CYP2C18: variants seen among roughly 807,000 people sequenced by gnomAD.
CYP2C18 encodes the protein cytochrome P450 family 2 subfamily C member 18, also known as cytochrome P450 2C18.
A neutral mutation model predicts 41.3 loss-of-function variants in CYP2C18; 38 were observed. The observed-to-expected ratio is 0.92, with a 90% CI of 0.71 to 1.21. The LOEUF is 1.21. Ranked by LOEUF, CYP2C18 falls within the 50% of genes most tolerant of loss-of-function variation. The pLI, the probability that CYP2C18 is intolerant of heterozygous loss-of-function variation, is 0.00. For missense variants in CYP2C18, 635 were observed against 591.4 expected, an observed-to-expected ratio of 1.07 and a Z score of -0.77; for synonymous variants, 236 against 210.0, an observed-to-expected ratio of 1.12 and a Z score of -1.07.
At chr10:94,693,251 A>C (rs1226547491) in intron 3 of CYP2C18, among the ~76,000 whole-genome samples, 1 of 152,140 alleles carries the variant, frequency 6.6e-6, no homozygotes, top group Non-Finnish European at 1.5e-5. Flanking sequence ...ATAGTTTAGT[A>C]CCATCCCTTT....
At chr10:94,709,578 T>C (rs1348137057) in intron 5 of CYP2C18, among the ~76,000 whole-genome samples, 1 of 152,196 alleles carries the variant, frequency 6.6e-6, no homozygotes, top group African/African-American at 2.4e-5. Context: ...AACAGTGTCT[T>C]TTGAAATACA....
intron 1 of CYP2C18, among the ~76,000 whole-genome samples, chr10:94,684,866 G>C (rs1304278955): frequency 6.6e-6 from 1 of 151,552 alleles, no homozygotes; most frequent in Non-Finnish European, 1.5e-5. Flanking sequence ...TTATCTTTTT[G>C]ATAATAATAA....
intron 7 of CYP2C18, among the ~76,000 whole-genome samples, chr10:94,729,164 G>A (rs748652691): frequency 8.5e-5 from 13 of 152,096 alleles, no homozygotes; most frequent in African/African-American, 1.4e-4. Context: ...AGCTGTATTC[G>A]CTTGTCAGCT....
Position 94,722,874 on chromosome 10 carries a change from G to A in CYP2C18, c.962-1472G>A, listed in dbSNP as rs896725480. 2.6e-5 allele frequency among the ~76,000 whole-genome samples: 4 copies of A among 152,250 alleles called. No homozygotes were observed. The South Asian group carries it at 6.2e-4, about 24-fold the overall frequency. On this transcript the variant is annotated intron_variant, in intron 6 of 8. Coordinates refer to ENST00000285979, the MANE Select transcript of CYP2C18 (RefSeq NM_000772.3). ...TGTTCCTAAAATACAGCAGCCAGGT[G>A]TAAACTCCAGAGGACAAGTAGCACC...
intron 5 of CYP2C18, among the ~76,000 whole-genome samples, chr10:94,718,498 G>A (rs1204359767): frequency 1.3e-5 from 2 of 152,108 alleles, no homozygotes; most frequent in African/African-American, 2.4e-5. Flanking sequence ...AGTACTGAGA[G>A]TGGGCATCCA....
intron 7 of CYP2C18, among the ~76,000 whole-genome samples, chr10:94,732,572 A>C (rs1472342981): frequency 6.6e-6 from 1 of 152,218 alleles, no homozygotes. Context: ...GAATCATCCC[A>C]AATGCCCATC....
chr10:94,715,665 A>T (rs548879334), intron 5 of CYP2C18, among the ~76,000 whole-genome samples: 8 of 152,230 alleles, frequency 5.3e-5, no homozygotes, highest in African/African-American at 1.9e-4. Context: ...TGTCTCTGTC[A>T]GGCTTTGGTA....
intron 5 of CYP2C18, among the ~76,000 whole-genome samples, chr10:94,709,791 T>C (rs1443839412): frequency 6.6e-6 from 1 of 152,120 alleles, no homozygotes; most frequent in Non-Finnish European, 1.5e-5. Context: ...GTGTGAGGTA[T>C]GGGTACAACT....
chr10:94,721,695 A>G (rs1192087942), intron 6 of CYP2C18, among the ~76,000 whole-genome samples: 1 of 152,082 alleles, frequency 6.6e-6, no homozygotes, highest in East Asian at 1.9e-4. Context: ...CCCATTTATA[A>G]GTGAGAACAT....
intron 4 of CYP2C18, among the ~76,000 whole-genome samples, chr10:94,698,246 G>T (rs898835863): frequency 1.3e-5 from 2 of 152,128 alleles, no homozygotes; most frequent in Admixed American, 6.5e-5. Flanking sequence ...GCACTCCTCA[G>T]CAAATGTAAG....
At chr10:94,684,316 C>G (rs1029038450) in intron 1 of CYP2C18, among the ~76,000 whole-genome samples, 1 of 152,086 alleles carries the variant, frequency 6.6e-6, no homozygotes, top group Non-Finnish European at 1.5e-5. Flanking sequence ...CTAAGTGTAA[C>G]TCTGTACCTG....
At chr10:94,729,975 A>C (rs1427342390) in intron 7 of CYP2C18, among the ~76,000 whole-genome samples, 4 of 152,188 alleles carry the variant, frequency 2.6e-5, no homozygotes. Flanking sequence ...ACAACATTTA[A>C]ATCTAAAGTA....
At chr10:94,720,926 GA>G (rs1847635781) in intron 6 of CYP2C18, among the ~76,000 whole-genome samples, 1 of 152,200 alleles carries the variant, frequency 6.6e-6, no homozygotes, top group African/African-American at 2.4e-5. Context: ...GAAATGAGTA[GA>G]AATTTTATTT....
chr10:94,695,707 AG>A (rs1273362655), intron 4 of CYP2C18, among the ~76,000 whole-genome samples: 2 of 152,132 alleles, frequency 1.3e-5, no homozygotes, highest in Non-Finnish European at 2.9e-5. Flanking sequence ...GGGAAGCACA[AG>A]GGGTCAGGGA....
intron 5 of CYP2C18, 65 bp from the exon 6 acceptor site, chr10:94,720,331 G>T (rs1564646880): frequency 2.3e-5 from 32 of 1,414,266 alleles, no homozygotes; most frequent in Non-Finnish European, 3.1e-5. Context: ...GATATATTTT[G>T]GATTTTTTGT....
chr10:94,699,907 A>T (rs1330948278), intron 4 of CYP2C18, among the ~76,000 whole-genome samples: 1 of 152,188 alleles, frequency 6.6e-6, no homozygotes, highest in Non-Finnish European at 1.5e-5. Context: ...ACACCTAGGA[A>T]TCCAACTTCC....
intron 8 of CYP2C18, 108 bp downstream of exon 8, chr10:94,733,546 G>T: frequency 6.4e-7 from 1 of 1,551,340 alleles, no homozygotes; most frequent in African/African-American, 1.4e-5. Context: ...TTGCTTTGCA[G>T]ATCATTAGCA....
In CYP2C18 at chr10:94,683,756, G is replaced by A; in HGVS notation, c.-64G>A. The stretch of plus-strand genomic sequence containing the variant: ...AGTCAGAATCACAGGTGGATTAGTA[G>A]GGAGTGTTATAAAAGCCTTGAAGTG... On this transcript the variant is annotated 5_prime_UTR_variant, in exon 1 of 9. Transcript: ENST00000285979. 1 of 1,277,946 alleles carries A rather than the reference G, an allele frequency of 7.8e-7. No homozygotes were observed. The highest frequency in any genetic ancestry group is 1.1e-6 in the Non-Finnish European group (1 of 932,432). The allele number at this position is 1,277,946 out of a possible 1,614,324, so 79.2% of individuals were successfully genotyped here.
At chr10:94,691,492 A>G (rs1340076266) in intron 3 of CYP2C18, among the ~76,000 whole-genome samples, 2 of 152,136 alleles carry the variant, frequency 1.3e-5, no homozygotes, top group African/African-American at 2.4e-5. Flanking sequence ...CTTCAAGGAG[A>G]ACTACAAACC....
Sources: allele counts gnomAD v4.1 joint callset (sites outside exome capture counted in the v4.1 genomes callset), GRCh38; gene constraint gnomAD v4.1.1; transcripts MANE v1.5; gene names NCBI Gene and HGNC (gene_info 2026-07-23, HGNC 2026-07-21).